Variants in EPS15L1 observed in about 807,000 individuals in gnomAD.
EPS15L1 encodes the protein epidermal growth factor receptor substrate 15-like 1.
EPS15L1 carries 43 observed loss-of-function variants against 117.1 expected under a neutral mutation model. That is an observed-to-expected ratio of 0.37 (90% CI 0.29 to 0.47). The LOEUF is 0.47. Ranked by LOEUF, EPS15L1 falls within the 20% of genes least tolerant of loss-of-function variation. The pLI is 0.99. For missense variants in EPS15L1, 981 were observed against 1,164.0 expected, an observed-to-expected ratio of 0.84 and a Z score of 2.29; for synonymous variants, 459 against 470.5, an observed-to-expected ratio of 0.98 and a Z score of 0.32.
intron 19 of EPS15L1, 121 bp downstream of exon 19, chr19:16,392,183 A>G (rs2092483224): frequency 8.9e-7 from 1 of 1,122,380 alleles, no homozygotes; most frequent in Admixed American, 2.1e-5. Context: ...AACAGACACC[A>G]TGGCCCACAC....
intron 1 of EPS15L1, among the ~76,000 whole-genome samples, chr19:16,468,614 G>C (rs1050115363): frequency 1.3e-5 from 2 of 152,222 alleles, no homozygotes; most frequent in Non-Finnish European, 2.9e-5. Flanking sequence ...CTAAAGTGCT[G>C]GGATTATAGG....
At chr19:16,403,284 G>A (rs1394672564) in intron 15 of EPS15L1, among the ~76,000 whole-genome samples, 2 of 152,196 alleles carry the variant, frequency 1.3e-5, no homozygotes, top group Non-Finnish European at 2.9e-5. Context: ...TTAGAGAATG[G>A]GGGTCCTGCA....
intron 20 of EPS15L1, among the ~76,000 whole-genome samples, chr19:16,385,595 T>C (rs1266081582): frequency 1.3e-5 from 2 of 152,158 alleles, no homozygotes; most frequent in African/African-American, 4.8e-5. Context: ...GTTTTTGCTG[T>C]GTTTTCTCCT....
chr19:16,392,175 C>G, intron 19 of EPS15L1, 129 bp downstream of exon 19: 1 of 1,053,340 alleles, frequency 9.5e-7, no homozygotes, highest in Non-Finnish European at 1.4e-6. Flanking sequence ...TCCCGGAGAA[C>G]AGACACCATG....
At chr19:16,362,659 G>A (rs996548528) in intron 22 of EPS15L1, among the ~76,000 whole-genome samples, 1 of 151,850 alleles carries the variant, frequency 6.6e-6, no homozygotes, top group Admixed American at 6.6e-5. Flanking sequence ...ACAGGCATGA[G>A]CCACCATGCG....
intron 5 of EPS15L1, among the ~76,000 whole-genome samples, chr19:16,437,548 G>C (rs1405759517): frequency 6.6e-6 from 1 of 152,144 alleles, no homozygotes; most frequent in Non-Finnish European, 1.5e-5. Flanking sequence ...AAAAGTTCTG[G>C]AGCTAGACAG....
At chr19:16,394,144 C>T (rs1329811987) in intron 17 of EPS15L1, 143 bp from the exon 18 acceptor site, 1 of 721,160 alleles carries the variant, frequency 1.4e-6, no homozygotes, top group Non-Finnish European at 2.5e-6. Context: ...TCCTTCTCTA[C>T]TATCCACCTG....
At chr19:16,356,296 G>GGTCATTT (rs2091979199) in intron 23 of EPS15L1, 1 of 171,472 alleles carries the variant, frequency 5.8e-6, no homozygotes, top group Non-Finnish European at 1.2e-5. Flanking sequence ...ACCCTCTGAG[G>GGTCATTT]GTCATTTTCT....
intron 12 of EPS15L1, among the ~76,000 whole-genome samples, chr19:16,415,197 GC>G (rs770277155): frequency 1.3e-5 from 2 of 152,188 alleles, no homozygotes; most frequent in African/African-American, 2.4e-5. Flanking sequence ...TGAGGACACG[GC>G]AAGAAGGTGA....
chr19:16,408,152 G>A lies in EPS15L1; in HGVS notation c.1267-3403C>T, dbSNP rs528472200. ...ACTGAAGGAACCTGGACCTCATTCC[G>A]TAATGGAGAAGGAGCCATCAGAAAG... On this transcript the variant is annotated intron_variant, in intron 13 of 23. Transcript: ENST00000455140. Among the ~76,000 whole-genome samples the A allele has an allele frequency of 1.6e-4, 24 of 152,270 alleles. No homozygotes were observed. The East Asian group carries it at 4.4e-3, about 28-fold the overall frequency.
At chr19:16,380,082 A>G (rs889177136) in intron 21 of EPS15L1, among the ~76,000 whole-genome samples, 6 of 149,786 alleles carry the variant, frequency 4.0e-5, no homozygotes, top group Non-Finnish European at 8.9e-5. Flanking sequence ...TGCGGCTGCC[A>G]AAGGCTCTGG....
At position 16,395,300 on chromosome 19, in the gene EPS15L1, AAC is replaced by A. The variant is rs750225620; in HGVS notation, c.1915+42_1915+43del. Reference sequence around the variant, plus strand: ...AAGAACCACTCTAAATTCGACATAAAACACACAGTCTTTCAATGAGAAAGTGG... The same window carrying A: ...AAGAACCACTCTAAATTCGACATAAAACACAGTCTTTCAATGAGAAAGTGG... On this transcript the variant is annotated intron_variant, in intron 17 of 23. Coordinates refer to ENST00000455140, the MANE Select transcript of EPS15L1 (RefSeq NM_001258374.3). The A allele has an allele frequency of 3.1e-6, 5 of 1,588,998 alleles. No individual in the cohort carries two copies. The Admixed American group carries it at 5.2e-5, about 17-fold the overall frequency.
At position 16,413,755 on chromosome 19, in the gene EPS15L1, A is replaced by G; in HGVS notation, c.1266+18T>C. 1 of 1,610,628 alleles carries G rather than the reference A, an allele frequency of 6.2e-7. No individual in the cohort carries two copies. The highest frequency in any genetic ancestry group is 8.5e-7 in the Non-Finnish European group (1 of 1,176,856). On this transcript the variant is annotated intron_variant, in intron 13 of 23. Transcript: ENST00000455140. Reference sequence around the variant, plus strand: ...TTTAGCACAAAGTAGATGTAACCAAAACGAACGAGACCCTTACCTGCACCT... The same window carrying G: ...TTTAGCACAAAGTAGATGTAACCAAGACGAACGAGACCCTTACCTGCACCT...
At chr19:16,402,023 A>C in intron 16 of EPS15L1, 1 of 1,149,058 alleles carries the variant, frequency 8.7e-7, no homozygotes. Context: ...AGCCCTCTGA[A>C]CTTGGGTGGT....
intron 7 of EPS15L1, among the ~76,000 whole-genome samples, chr19:16,432,509 AG>A (rs1330209466): frequency 2.6e-5 from 4 of 152,286 alleles, no homozygotes; most frequent in Admixed American, 2.6e-4. Context: ...CGGAGCTTGC[AG>A]TGAGCAGAGA....
intron 23 of EPS15L1, among the ~76,000 whole-genome samples, chr19:16,360,746 A>T (rs1372627046): frequency 2.6e-5 from 4 of 152,186 alleles, no homozygotes; most frequent in African/African-American, 9.7e-5. Flanking sequence ...AGACCCTGTC[A>T]CTAAAATAAA....
intron 9 of EPS15L1, among the ~76,000 whole-genome samples, chr19:16,422,740 T>C (rs1244021642): frequency 6.6e-6 from 1 of 152,108 alleles, no homozygotes; most frequent in Non-Finnish European, 1.5e-5. Context: ...GTGGATCACC[T>C]GAGGCCAGGA....
intron 12 of EPS15L1, among the ~76,000 whole-genome samples, chr19:16,414,412 T>G (rs1405165460): frequency 2.0e-5 from 3 of 152,048 alleles, no homozygotes; most frequent in African/African-American, 7.2e-5. Context: ...ACTACTTTTT[T>G]TTTTTTGAGA....
In EPS15L1 at chr19:16,377,273, AAGAG is replaced by A; in HGVS notation, c.2248-23_2248-20del. The A allele has an allele frequency of 3.1e-6, 5 of 1,608,158 alleles. No individual in the cohort carries two copies. The highest frequency in any genetic ancestry group is 4.2e-6 in the Non-Finnish European group (5 of 1,178,376). On this transcript the variant is annotated intron_variant, in intron 21 of 23. Transcript: ENST00000455140. ...GTGGGGGCTGTAAGAGAGGACATGA[AAGAG>A]AGGCAAAAATAGTTGTTAAAACAAA...
Sources: allele counts gnomAD v4.1 joint callset (sites outside exome capture counted in the v4.1 genomes callset), GRCh38; gene constraint gnomAD v4.1.1; transcripts MANE v1.5; gene names NCBI Gene and HGNC (gene_info 2026-07-23, HGNC 2026-07-21).